Variants in KIAA0825 observed in about 807,000 individuals in gnomAD.
KIAA0825 encodes the protein KIAA0825.
KIAA0825 carries 119 observed loss-of-function variants against 147.6 expected under a neutral mutation model. That is an observed-to-expected ratio of 0.81 (90% CI 0.69 to 0.94). The LOEUF is 0.94. Ranked by LOEUF, KIAA0825 falls within the 40% of genes least tolerant of loss-of-function variation. The pLI is 0.00. For synonymous variants in KIAA0825, 470 were observed against 518.1 expected, an observed-to-expected ratio of 0.91 and a Z score of 1.26; for missense variants, 1,381 against 1,472.7, an observed-to-expected ratio of 0.94 and a Z score of 1.02.
chr5:94,479,771 T>C (rs181296772), intron 6 of KIAA0825, among the ~76,000 whole-genome samples: 1 of 152,260 alleles, frequency 6.6e-6, no homozygotes, highest in East Asian at 1.9e-4. Context: ...GTATCTGTTT[T>C]GGATTTTAGC....
chr5:94,405,807 T>A (rs1437638776), intron 15 of KIAA0825, among the ~76,000 whole-genome samples: 1 of 152,156 alleles, frequency 6.6e-6, no homozygotes, highest in African/African-American at 2.4e-5. Flanking sequence ...CTTGGAGCAA[T>A]CCACAATCTC....
At chr5:94,284,879 C>T (rs1453793448) in intron 20 of KIAA0825, among the ~76,000 whole-genome samples, 1 of 152,064 alleles carries the variant, frequency 6.6e-6, no homozygotes, top group Non-Finnish European at 1.5e-5. Flanking sequence ...TATCACTTTA[C>T]TACATGTATC....
intron 10 of KIAA0825, among the ~76,000 whole-genome samples, chr5:94,466,220 T>C (rs1584577782): frequency 6.6e-6 from 1 of 152,226 alleles, no homozygotes; most frequent in East Asian, 1.9e-4. Flanking sequence ...ATTACTCTTC[T>C]GGTAGTTTAT....
At chr5:94,417,146 G>A in intron 15 of KIAA0825, 55 bp downstream of exon 15, 1 of 1,458,732 alleles carries the variant, frequency 6.9e-7, no homozygotes, top group Non-Finnish European at 9.4e-7. Flanking sequence ...CATCTTTAAA[G>A]GTACATATAA....
intron 20 of KIAA0825, among the ~76,000 whole-genome samples, chr5:94,192,292 C>A (rs1433909367): frequency 1.3e-5 from 2 of 152,132 alleles, no homozygotes; most frequent in African/African-American, 4.8e-5. Context: ...GTATAATATT[C>A]TTGGCTTCAT....
At chr5:94,521,748 A>G (rs533984121) in intron 4 of KIAA0825, among the ~76,000 whole-genome samples, 211 of 151,890 alleles carry the variant, frequency 1.4e-3, no homozygotes, top group African/African-American at 4.9e-3. Flanking sequence ...AGACACACAC[A>G]TTCTGCTTCC....
chr5:94,554,205 C>A (rs903982538), intron 2 of KIAA0825, among the ~76,000 whole-genome samples: 7 of 152,184 alleles, frequency 4.6e-5, no homozygotes, highest in African/African-American at 1.4e-4. Flanking sequence ...CCTGACTTGG[C>A]AGACTCCTTA....
At chr5:94,567,321 T>C (rs1778881765) in intron 2 of KIAA0825, 1 of 152,230 alleles carries the variant, frequency 6.6e-6, no homozygotes. Context: ...ATATTTCTAA[T>C]GGATTCTGAA....
chr5:94,179,283 C>T (rs144531691), intron 20 of KIAA0825, among the ~76,000 whole-genome samples: 7 of 152,062 alleles, frequency 4.6e-5, no homozygotes, highest in South Asian at 2.1e-4. Context: ...GGAAAACAAC[C>T]GACAAATCAA....
intron 14 of KIAA0825, among the ~76,000 whole-genome samples, chr5:94,428,143 T>TTGTGTGTGTGTG (rs61572627): frequency 2.9e-4 from 39 of 134,582 alleles, no homozygotes; most frequent in South Asian, 1.8e-3. Flanking sequence ...TAAGGTCTTG[T>TTGTGTGTGTGTG]TGTGTGTGTG....
At chr5:94,577,404 T>A (rs527940909) in intron 2 of KIAA0825, among the ~76,000 whole-genome samples, 3 of 152,328 alleles carry the variant, frequency 2.0e-5, no homozygotes, top group Non-Finnish European at 4.4e-5. Context: ...CAAAAGCTTA[T>A]TTCAATACCT....
At chr5:94,288,969 G>A (rs773086377) in intron 20 of KIAA0825, among the ~76,000 whole-genome samples, 67 of 152,174 alleles carry the variant, frequency 4.4e-4, no homozygotes, top group Non-Finnish European at 6.0e-4. Flanking sequence ...CAACGTATGG[G>A]TGTTATGCTG....
At chr5:94,519,145 A>G (rs1767709268) in intron 5 of KIAA0825, 1 of 807,108 alleles carries the variant, frequency 1.2e-6, no homozygotes, top group African/African-American at 1.9e-5. Context: ...AATGAGATAT[A>G]GCTTCTGGAG....
At chr5:94,224,239 G>A (rs1030135001) in intron 20 of KIAA0825, among the ~76,000 whole-genome samples, 15 of 151,196 alleles carry the variant, frequency 9.9e-5, no homozygotes. Context: ...TGGGATTACA[G>A]CCGCCCACCA....
chr5:94,494,830 T>G (rs1298480498), intron 5 of KIAA0825, among the ~76,000 whole-genome samples: 1 of 152,192 alleles, frequency 6.6e-6, no homozygotes, highest in Non-Finnish European at 1.5e-5. Context: ...GAATTTATAT[T>G]TCATTTTTTA....
chr5:94,617,404 T>A (rs2152454948), intron 1 of KIAA0825, among the ~76,000 whole-genome samples: 1 of 152,310 alleles, frequency 6.6e-6, no homozygotes, highest in Admixed American at 6.5e-5. Context: ...TTTGTTGCAT[T>A]ACTCTCAAAA....
At position 94,520,271 on chromosome 5, in the gene KIAA0825, T is replaced by G; in HGVS notation, c.947A>C (p.His316Pro). The G allele has an allele frequency of 6.2e-7, 1 of 1,612,514 alleles. No individual in the cohort carries two copies. The highest frequency in any genetic ancestry group is 1.3e-5 in the African/African-American group (1 of 74,960). ...VVKTSKSSSKHRGAVHALVTT... is the reference protein window; with the variant it reads ...VVKTSKSSSKPRGAVHALVTT... The stretch of plus-strand genomic sequence containing the variant: ...ACCCAAAGCATGCACTGCTCCTCTA[T>G]GCTTGCTGGAGCTCTTGCTTGTTTT... The change falls in exon 5 of 21, where the codon CAT becomes CCT. Residue 316 changes from histidine to proline, a missense_variant. His to Pro is a moderately conservative substitution (Grantham distance 77). Transcript: ENST00000682413.
intron 20 of KIAA0825, among the ~76,000 whole-genome samples, chr5:94,369,180 T>A (rs966611587): frequency 4.0e-5 from 6 of 151,654 alleles, no homozygotes; most frequent in Middle Eastern, 3.4e-3. Flanking sequence ...AAATAAAATA[T>A]TATTAAGGGG....
chr5:94,521,035 A>G, intron 4 of KIAA0825, 118 bp from the exon 5 acceptor site: 1 of 920,878 alleles, frequency 1.1e-6, no homozygotes, highest in South Asian at 2.1e-5. Flanking sequence ...ATTCCTTAAG[A>G]TTTTATTTTT....
Sources: gnomAD v4.1 joint callset for allele counts (sites outside exome capture counted in the v4.1 genomes callset) on GRCh38, gnomAD v4.1.1 for gene constraint, MANE v1.5 for transcripts, NCBI Gene and HGNC (gene_info 2026-07-23, HGNC 2026-07-21) for gene names.